The following ZNF678 variants were observed in gnomAD, a reference collection of about 807,000 sequenced individuals.
ZNF678 encodes zinc finger protein 678, also known as hypothetical protein MGC42493.
ZNF678 carries 5 observed loss-of-function variants against 3.0 expected under a neutral mutation model. That is an observed-to-expected ratio of 1.69 (90% CI 0.88 to 3.56). The LOEUF (loss-of-function observed/expected upper bound fraction) is 3.56, where lower values mean the gene tolerates loss of function less well. Among genes scored for constraint, ZNF678 ranks in the 30% most tolerant of loss-of-function variants. The probability of loss-of-function intolerance (pLI) is 0.00; values close to 1 mark genes in which losing one functional copy is unlikely to be tolerated. For synonymous variants in ZNF678, 218 were observed against 199.6 expected (o/e 1.09, Z -0.78); for missense variants, 593 against 605.0 (o/e 0.98, Z 0.21).
chr1:227,642,954 G>A (rs1179960226), intron 1 of ZNF678, among the ~76,000 whole-genome samples: 1 of 91,180 alleles, frequency 1.1e-5, no homozygotes, highest in Non-Finnish European at 2.3e-5. Flanking sequence ...AAAAGCAAAT[G>A]GAGCTGTCAT....
In ZNF678 at chr1:227,655,247, T is replaced by A. The variant is rs776797823; in HGVS notation, c.997T>A (p.Cys333Ser). ...CEECGKTFNRCSHLSSHKRIH... is the reference protein window; with the variant it reads ...CEECGKTFNRSSHLSSHKRIH... ...AGAATGTGGCAAAACTTTTAATCGG[T>A]GTTCACACCTAAGTAGCCATAAGAG... Residue 333 changes from cysteine to serine, a missense_variant, in exon 4 of 4, where the codon TGT becomes AGT. Coordinates refer to ENST00000343776, the MANE Select transcript of ZNF678 (RefSeq NM_001367909.1). 3 of 1,612,402 alleles carry A rather than the reference T, an allele frequency of 1.9e-6. No homozygotes were observed. Among genetic ancestry groups the A allele is most frequent in the Non-Finnish European group, 2.5e-6 (3 of 1,179,422 alleles).
At chr1:227,639,266 T>G (rs1418127141) in intron 1 of ZNF678, among the ~76,000 whole-genome samples, 2 of 152,234 alleles carry the variant, frequency 1.3e-5, no homozygotes, top group Non-Finnish European at 1.5e-5. Context: ...GCTAGGAGGC[T>G]TCTGTGTGGA....
intron 1 of ZNF678, among the ~76,000 whole-genome samples, chr1:227,593,865 CCCTTT>C (rs1558136364): frequency 5.1e-5 from 6 of 117,206 alleles, no homozygotes; most frequent in African/African-American, 5.9e-5. Flanking sequence ...TCCCCCCCCC[CCCTTT>C]TTTTTTTTTT....
chr1:227,606,996 A>G (rs1305843752), intron 1 of ZNF678, among the ~76,000 whole-genome samples: 3 of 152,216 alleles, frequency 2.0e-5, no homozygotes, highest in African/African-American at 4.8e-5. Context: ...AGACACAGTA[A>G]CAATCTGATC....
chr1:227,625,237 C>A (rs1051024803), intron 1 of ZNF678, among the ~76,000 whole-genome samples: 1 of 152,190 alleles, frequency 6.6e-6, no homozygotes. Context: ...CTTAGGAATT[C>A]TTCGTCGGCC....
chr1:227,587,107 G>A (rs538831141), intron 1 of ZNF678, among the ~76,000 whole-genome samples: 1 of 152,166 alleles, frequency 6.6e-6, no homozygotes, highest in Non-Finnish European at 1.5e-5. Context: ...CCTAGTTTTT[G>A]TAACACTAGC....
chr1:227,591,926 T>C (rs1423075559), intron 1 of ZNF678, among the ~76,000 whole-genome samples: 1 of 152,180 alleles, frequency 6.6e-6, no homozygotes, highest in African/African-American at 2.4e-5. Context: ...ATGAGTTTCC[T>C]CATGCTTCAG....
chr1:227,580,487 T>A (rs1007657340), intron 1 of ZNF678, among the ~76,000 whole-genome samples: 2 of 152,226 alleles, frequency 1.3e-5, no homozygotes, highest in Non-Finnish European at 2.9e-5. Flanking sequence ...ACACAGTGAA[T>A]TTTTGTTTTC....
Position 227,656,218 on chromosome 1 carries a change from A to G in ZNF678, c.*390A>G, listed in dbSNP as rs1371361579. On this transcript the variant is annotated 3_prime_UTR_variant, in exon 4 of 4. Transcript: ENST00000343776. ...AATGTCCAAAATTAAGTCTAAATAAAACATTACATAATTTACTGTAGAAAG... is the reference window on the plus strand; with the variant it reads ...AATGTCCAAAATTAAGTCTAAATAAGACATTACATAATTTACTGTAGAAAG... 6.5e-6 allele frequency: 1 copy of G among 154,332 alleles called. No individual in the cohort carries two copies. Among genetic ancestry groups the G allele is most frequent in the Non-Finnish European group, 1.4e-5 (1 of 69,630 alleles). 9.6% of individuals were successfully genotyped at this position (154,332 alleles called of 1,614,324 possible). A position where few individuals can be genotyped will look rare whatever the true frequency, so the allele number is the denominator to read the frequency against.
At chr1:227,678,037 T>C (rs141991362), downstream of ZNF678, among the ~76,000 whole-genome samples, 96 of 152,274 alleles carry the variant, frequency 6.3e-4, 2 homozygotes, top group African/African-American at 2.0e-3. Context: ...CTCAAACTAA[T>C]CAAGAACTCA....
chr1:227,636,348 A>T (rs892461646), intron 1 of ZNF678, among the ~76,000 whole-genome samples: 2 of 152,134 alleles, frequency 1.3e-5, no homozygotes, highest in Non-Finnish European at 2.9e-5. Flanking sequence ...GAGATATTAA[A>T]CTTACCACAG....
At chr1:227,632,385 C>T (rs1033928106) in intron 1 of ZNF678, among the ~76,000 whole-genome samples, 4 of 152,116 alleles carry the variant, frequency 2.6e-5, no homozygotes, top group Non-Finnish European at 5.9e-5. Flanking sequence ...TCAAGAAAGT[C>T]GTGGCTGGGA....
rs747908194 is a variant in ZNF678, at chr1:227,646,537, C to G, written c.-163-7C>G. ...TGTAAATACGTGTGTATTTTTCCCC[C>G]CCCCAGGGACTACTGGCATTCAGTG... On this transcript the variant is annotated splice_region_variant and splice_polypyrimidine_tract_variant and intron_variant, in intron 1 of 3. Coordinates refer to ENST00000343776, the MANE Select transcript of ZNF678 (RefSeq NM_001367909.1). 7.3e-7 allele frequency: 1 copy of G among 1,370,118 alleles called. No homozygotes were observed. The highest frequency in any genetic ancestry group is 1.1e-5 in the South Asian group (1 of 88,896). 84.9% of individuals were successfully genotyped at this position (1,370,118 alleles called of 1,614,324 possible). A position where few individuals can be genotyped will look rare whatever the true frequency, so the allele number is the denominator to read the frequency against.
At chr1:227,603,705 G>A (rs75495161) in intron 1 of ZNF678, among the ~76,000 whole-genome samples, 2,087 of 152,266 alleles carry the variant, frequency 0.014, 51 homozygotes, top group African/African-American at 0.047. Flanking sequence ...AGCTCTTGTG[G>A]GTGCTCCAGG....
At chr1:227,635,801 G>C (rs1181269799) in intron 1 of ZNF678, among the ~76,000 whole-genome samples, 1 of 152,130 alleles carries the variant, frequency 6.6e-6, no homozygotes, top group Non-Finnish European at 1.5e-5. Context: ...CATGCTGCTG[G>C]TGCAGGTAGC....
chr1:227,602,985 CAA>C (rs1657773006), intron 1 of ZNF678, among the ~76,000 whole-genome samples: 2 of 152,168 alleles, frequency 1.3e-5, no homozygotes, highest in Non-Finnish European at 2.9e-5. Flanking sequence ...CCAGCCTGGG[CAA>C]CATACCAAGA....
Position 227,658,967 on chromosome 1 carries a change from T to A in ZNF678, c.*3139T>A, listed in dbSNP as rs925063248. 3.3e-5 allele frequency: 5 copies of A among 152,020 alleles called. No homozygotes were observed. The highest frequency in any genetic ancestry group is 1.2e-4 in the African/African-American group (5 of 41,422). The allele number at this position is 152,020 out of a possible 1,614,324, so 9.4% of individuals were successfully genotyped here. A position where few individuals can be genotyped will look rare whatever the true frequency, so the allele number is the denominator to read the frequency against. Reference sequence around the variant, plus strand: ...TGGAAACCCCTTAAGCAAAAATATATCTTAGAAATCTTAAGGACACTTAAT... The same window carrying A: ...TGGAAACCCCTTAAGCAAAAATATAACTTAGAAATCTTAAGGACACTTAAT... On this transcript the variant is annotated 3_prime_UTR_variant, in exon 4 of 4. Transcript: ENST00000343776.
intron 1 of ZNF678, among the ~76,000 whole-genome samples, chr1:227,574,854 G>A (rs1024622407): frequency 1.3e-5 from 2 of 152,078 alleles, no homozygotes; most frequent in African/African-American, 4.8e-5. Context: ...TAAGGAAGGG[G>A]TCCAATTTCA....
chr1:227,614,047 T>G (rs1235325990), intron 1 of ZNF678, among the ~76,000 whole-genome samples: 2 of 152,162 alleles, frequency 1.3e-5, no homozygotes, highest in Non-Finnish European at 2.9e-5. Flanking sequence ...AGACTTATGG[T>G]CTCTATTAGA....
Sources: gnomAD v4.1 joint callset for allele counts (sites outside exome capture counted in the v4.1 genomes callset) on GRCh38, gnomAD v4.1.1 for gene constraint, MANE v1.5 for transcripts, NCBI Gene and HGNC (gene_info 2026-07-23, HGNC 2026-07-21) for gene names.